AKR1C8: variants seen among roughly 807,000 people sequenced by gnomAD.
The protein encoded by AKR1C8 is aldo-keto reductase family 1 member C-like protein 1.
At chr10:5,169,926 A>G in the AKR1C8 span, among the ~76,000 whole-genome samples, 79,886 of 151,778 alleles carry the variant, frequency 0.53, 22,024 homozygotes, top group Non-Finnish European at 0.6. Flanking sequence ...TTTGTTGACA[A>G]TGATATTTAG....
chr10:5,149,098 A>G, the AKR1C8 span, among the ~76,000 whole-genome samples: 1 of 152,128 alleles, frequency 6.6e-6, no homozygotes, highest in Non-Finnish European at 1.5e-5. Flanking sequence ...GGTGATTCCA[A>G]GTAAGGAAAG....
At chr10:5,152,720 G>A in the AKR1C8 span, among the ~76,000 whole-genome samples, 1 of 152,106 alleles carries the variant, frequency 6.6e-6, no homozygotes, top group Non-Finnish European at 1.5e-5. Flanking sequence ...CTTCATTTGA[G>A]GGTATTGTTT....
the AKR1C8 span, chr10:5,122,293 T>G: frequency 5.1e-6 from 1 of 196,674 alleles, no homozygotes; most frequent in African/African-American, 2.4e-5. Context: ...CCTCATCGGC[T>G]TCCAGGTGCA....
chr10:5,154,956 C>T, the AKR1C8 span: 2 of 152,128 alleles, frequency 1.3e-5, no homozygotes, highest in Non-Finnish European at 2.9e-5. Context: ...CAGAGAAACT[C>T]CAAAGGATCT....
At chr10:5,171,263 T>C in the AKR1C8 span, among the ~76,000 whole-genome samples, 1 of 152,034 alleles carries the variant, frequency 6.6e-6, no homozygotes, top group Non-Finnish European at 1.5e-5. Context: ...AGGCAACAAT[T>C]GCTTATGGAT....
the AKR1C8 span, among the ~76,000 whole-genome samples, chr10:5,170,022 C>T: frequency 1.3e-5 from 2 of 152,030 alleles, no homozygotes; most frequent in Non-Finnish European, 2.9e-5. Flanking sequence ...ATTCCTGTAA[C>T]AGGTACCGTC....
the AKR1C8 span, chr10:5,132,700 C>T: frequency 6.3e-5 from 99 of 1,582,696 alleles, no homozygotes; most frequent in Non-Finnish European, 7.6e-5. Context: ...TATAAATGAG[C>T]AGAATCAATA....
the AKR1C8 span, among the ~76,000 whole-genome samples, chr10:5,176,029 G>A: frequency 5.3e-5 from 8 of 151,886 alleles, no homozygotes; most frequent in East Asian, 1.9e-4. Flanking sequence ...TGCTTTTGGT[G>A]TTTTAGACAT....
the AKR1C8 span, chr10:5,132,675 T>C: frequency 6.3e-7 from 1 of 1,592,450 alleles, no homozygotes; most frequent in Non-Finnish European, 8.6e-7. Context: ...CAGTCCAACC[T>C]GCTCCTCATT....
chr10:5,148,291 T>G, the AKR1C8 span, among the ~76,000 whole-genome samples: 1 of 151,776 alleles, frequency 6.6e-6, no homozygotes, highest in Admixed American at 6.6e-5. Context: ...AAATAAGAAG[T>G]GGGGAGGAGA....
At chr10:5,158,356 C>T in the AKR1C8 span, among the ~76,000 whole-genome samples, 2 of 152,164 alleles carry the variant, frequency 1.3e-5, no homozygotes, top group East Asian at 1.9e-4. Flanking sequence ...TACCTAAAGA[C>T]CACTTTAAAA....
chr10:5,167,167 C>T, the AKR1C8 span, among the ~76,000 whole-genome samples: 5 of 152,302 alleles, frequency 3.3e-5, no homozygotes, highest in African/African-American at 9.6e-5. Context: ...GAAATAGGAA[C>T]ACTTTTACAC....
chr10:5,125,082 A>C, the AKR1C8 span, among the ~76,000 whole-genome samples: 1 of 151,914 alleles, frequency 6.6e-6, no homozygotes, highest in South Asian at 2.1e-4. Flanking sequence ...ATATTTATTT[A>C]CCACTTATTT....
chr10:5,159,724 C>A, the AKR1C8 span, among the ~76,000 whole-genome samples: 1 of 152,134 alleles, frequency 6.6e-6, no homozygotes, highest in Non-Finnish European at 1.5e-5. Context: ...TGCTCTTCCA[C>A]CCCACTCAAA....
At chr10:5,121,735 TTTG>T in the AKR1C8 span, among the ~76,000 whole-genome samples, 1 of 152,118 alleles carries the variant, frequency 6.6e-6, no homozygotes, top group Non-Finnish European at 1.5e-5. Context: ...TTATTACATA[TTTG>T]TTATCATATT....
chr10:5,170,282 A>G, the AKR1C8 span, among the ~76,000 whole-genome samples: 1 of 152,162 alleles, frequency 6.6e-6, no homozygotes, highest in Non-Finnish European at 1.5e-5. Context: ...AGTGTAAAAC[A>G]TTACACAACA....
chr10:5,146,882 T>A, the AKR1C8 span, among the ~76,000 whole-genome samples: 1 of 152,198 alleles, frequency 6.6e-6, no homozygotes, highest in Admixed American at 6.5e-5. Context: ...GATTATCGGG[T>A]ATTAAGATCA....
the AKR1C8 span, among the ~76,000 whole-genome samples, chr10:5,144,207 G>C: frequency 6.6e-6 from 1 of 151,956 alleles, no homozygotes; most frequent in East Asian, 1.9e-4. Context: ...TACTTCTGAG[G>C]GCTCTGTTCT....
the AKR1C8 span, among the ~76,000 whole-genome samples, chr10:5,162,497 T>C: frequency 1.3e-5 from 2 of 152,220 alleles, no homozygotes; most frequent in Non-Finnish European, 1.5e-5. Context: ...AAAAGTGTTT[T>C]CTTGTCTGGA....
Sources: allele counts gnomAD v4.1 joint callset (sites outside exome capture counted in the v4.1 genomes callset), GRCh38; gene constraint gnomAD v4.1.1; transcripts MANE v1.5; gene names NCBI Gene and HGNC (gene_info 2026-07-23, HGNC 2026-07-21).